Variants in RB1 observed in about 807,000 individuals in gnomAD.
The protein encoded by RB1 is retinoblastoma-associated protein.
RB1 carries 18 observed loss-of-function variants against 135.4 expected under a neutral mutation model. That is an observed-to-expected ratio of 0.13 (90% confidence interval 0.09 to 0.20). RB1 has a LOEUF of 0.20. RB1 is among the 10% of genes least tolerant of loss of function. The pLI is 1.00. For synonymous variants in RB1, 365 were observed against 373.2 expected, an observed-to-expected ratio of 0.98 and a Z score of 0.25; for missense variants, 868 against 1,110.0, an observed-to-expected ratio of 0.78 and a Z score of 3.10.
chr13:48,330,228 A>G (rs922880128), intron 2 of RB1, among the ~76,000 whole-genome samples: 1 of 152,156 alleles, frequency 6.6e-6, no homozygotes, highest in African/African-American at 2.4e-5. Context: ...AGGAAACAGT[A>G]GGACCCCAGA....
intron 9 of RB1, among the ~76,000 whole-genome samples, chr13:48,366,554 G>A (rs1952701040): frequency 6.6e-6 from 1 of 152,136 alleles, no homozygotes; most frequent in Non-Finnish European, 1.5e-5. Flanking sequence ...GTTTTCTCTT[G>A]GGCATTGGTT....
intron 17 of RB1, chr13:48,412,704 T>C (rs1205586291): frequency 2.1e-6 from 1 of 475,280 alleles, no homozygotes; most frequent in Non-Finnish European, 4.0e-6. Context: ...GAGCAACCTT[T>C]AAAAAATACA....
intron 2 of RB1, among the ~76,000 whole-genome samples, chr13:48,327,581 A>G (rs1176300645): frequency 6.6e-6 from 1 of 152,188 alleles, no homozygotes; most frequent in African/African-American, 2.4e-5. Context: ...ATGAAGAAAA[A>G]AGCTGTATTT....
At chr13:48,386,930 G>A (rs551522130) in intron 17 of RB1, among the ~76,000 whole-genome samples, 137 of 152,180 alleles carry the variant, frequency 9.0e-4, no homozygotes, top group African/African-American at 3.0e-3. Flanking sequence ...CTTAAAATAC[G>A]AAAAATTTAT....
rs1031606915 is a variant in RB1, at chr13:48,480,758, A to C, written c.*687A>C. The stretch of plus-strand genomic sequence containing the variant: ...ATCATACTACTGAAACAGATTTCAT[A>C]CCTCAGAATGTAAAAGAACTTACTG... On this transcript the variant is annotated 3_prime_UTR_variant, in exon 27 of 27. Coordinates refer to ENST00000267163, the MANE Select transcript of RB1 (RefSeq NM_000321.3). The C allele has an allele frequency of 2.2e-5, 5 of 227,030 alleles. No homozygotes were observed. The highest frequency in any genetic ancestry group is 1.1e-4 in the African/African-American group (5 of 45,154). The allele number at this position is 227,030 out of a possible 1,614,324, so 14.1% of individuals were successfully genotyped here. A position where few individuals can be genotyped will look rare whatever the true frequency, so the allele number is the denominator to read the frequency against.
At chr13:48,426,018 A>G (rs1949074927) in intron 17 of RB1, among the ~76,000 whole-genome samples, 1 of 152,198 alleles carries the variant, frequency 6.6e-6, no homozygotes, top group South Asian at 2.1e-4. Flanking sequence ...GTATAATGAA[A>G]GAATACAACT....
intron 17 of RB1, among the ~76,000 whole-genome samples, chr13:48,390,611 A>C (rs540672144): frequency 6.6e-6 from 1 of 152,290 alleles, no homozygotes; most frequent in South Asian, 2.1e-4. Flanking sequence ...CTCTCTCTCA[A>C]TACCTAATCT....
intron 12 of RB1, among the ~76,000 whole-genome samples, chr13:48,373,822 C>T (rs1247564921): frequency 6.6e-6 from 1 of 151,876 alleles, no homozygotes; most frequent in Non-Finnish European, 1.5e-5. Flanking sequence ...TTGGGATGAA[C>T]TTTTTGAGGT....
At chr13:48,308,909 G>GT (rs1158733452) in intron 2 of RB1, among the ~76,000 whole-genome samples, 6 of 151,872 alleles carry the variant, frequency 4.0e-5, no homozygotes, top group Admixed American at 2.6e-4. Context: ...GTATTTTCCT[G>GT]TTTTTTTCTC....
At chr13:48,347,306 A>G (rs141729299) in intron 4 of RB1, among the ~76,000 whole-genome samples, 4 of 152,120 alleles carry the variant, frequency 2.6e-5, no homozygotes, top group African/African-American at 9.7e-5. Context: ...CTTAGAGATT[A>G]GCATGTGTAC....
At chr13:48,401,253 T>C (rs1948689646) in intron 17 of RB1, 1 of 152,182 alleles carries the variant, frequency 6.6e-6, no homozygotes, top group Non-Finnish European at 1.5e-5. Flanking sequence ...TGATGTTAGA[T>C]AATTACTTGA....
chr13:48,477,391 A>G lies in RB1; in HGVS notation c.2700A>G (p.Lys900=). 1 of 1,608,800 alleles carries G rather than the reference A, an allele frequency of 6.2e-7. No homozygotes were observed. Among genetic ancestry groups the G allele is most frequent in the Non-Finnish European group, 8.5e-7 (1 of 1,175,628 alleles). The change falls in exon 26 of 27, where the codon AAA becomes AAG. Residue 900 remains lysine, a synonymous_variant. Transcript: ENST00000267163. Reference sequence around the variant, plus strand: ...CAGGAGAGTCCAAATTTCAGCAGAAACTGGCAGAAATGAGTAAGTACTTTT... The same window carrying G: ...CAGGAGAGTCCAAATTTCAGCAGAAGCTGGCAGAAATGAGTAAGTACTTTT... ...HLPGESKFQQ[K]LAEMTSTRTR...
At chr13:48,307,132 T>C in intron 1 of RB1, 148 bp from the exon 2 acceptor site, 4 of 628,214 alleles carry the variant, frequency 6.4e-6, no homozygotes, top group Non-Finnish European at 1.1e-5. Flanking sequence ...TGAAGTGTAA[T>C]GTTTTTCTAA....
At chr13:48,396,914 T>A (rs899571933) in intron 17 of RB1, among the ~76,000 whole-genome samples, 2 of 152,196 alleles carry the variant, frequency 1.3e-5, no homozygotes, top group Admixed American at 6.5e-5. Flanking sequence ...CCACTGGTCA[T>A]TAGAGAAATG....
At chr13:48,347,708 TA>T in intron 4 of RB1, 116 bp from the exon 5 acceptor site, 1 of 682,378 alleles carries the variant, frequency 1.5e-6, no homozygotes, top group Non-Finnish European at 2.5e-6. Context: ...TAATGCTATA[TA>T]TTTTTTGTTT....
At chr13:48,317,951 T>C (rs748338879) in intron 2 of RB1, 28 of 446,712 alleles carry the variant, frequency 6.3e-5, no homozygotes, top group Non-Finnish European at 1.1e-4. Flanking sequence ...CTTGGCCTTT[T>C]CCGCCAAAAA....
chr13:48,378,689 A>T (rs1431334334), intron 13 of RB1, among the ~76,000 whole-genome samples: 5 of 152,134 alleles, frequency 3.3e-5, no homozygotes, highest in African/African-American at 1.2e-4. Flanking sequence ...TATGTACTGT[A>T]CATAATTGTA....
At chr13:48,454,514 A>C (rs1373103952) in intron 18 of RB1, among the ~76,000 whole-genome samples, 1 of 152,206 alleles carries the variant, frequency 6.6e-6, no homozygotes, top group Admixed American at 6.5e-5. Flanking sequence ...AGGCACTGGG[A>C]ATACAGAAGT....
chr13:48,472,292 T>A (rs902795185), intron 23 of RB1, among the ~76,000 whole-genome samples: 2 of 152,122 alleles, frequency 1.3e-5, no homozygotes, highest in African/African-American at 4.8e-5. Flanking sequence ...ATTATAAAAA[T>A]TTCAAACTCT....
Sources: allele counts gnomAD v4.1 joint callset (sites outside exome capture counted in the v4.1 genomes callset), GRCh38; gene constraint gnomAD v4.1.1; transcripts MANE v1.5; gene names NCBI Gene and HGNC (gene_info 2026-07-23, HGNC 2026-07-21).